The following NBEA variants were observed in gnomAD, a reference collection of about 807,000 sequenced individuals.
The protein encoded by NBEA is neurobeachin, also known as lysosomal-trafficking regulator 2.
In NBEA, 44 loss-of-function variants were observed where a neutral mutation model predicts 343.4. The observed-to-expected ratio is 0.13, with a 90% CI of 0.10 to 0.16. NBEA has a LOEUF of 0.16. NBEA is among the 10% of genes least tolerant of loss of function. The pLI, the probability that NBEA is intolerant of heterozygous loss-of-function variation, is 1.00. For synonymous variants in NBEA, 1,175 were observed against 1,238.7 expected (o/e 0.95, Z 1.08); for missense variants, 2,555 against 3,631.3 (o/e 0.70, Z 7.62).
At chr13:35,647,856 C>T (rs546306940) in intron 51 of NBEA, among the ~76,000 whole-genome samples, 140 of 152,142 alleles carry the variant, frequency 9.2e-4, no homozygotes, top group African/African-American at 2.9e-3. Context: ...TGAGTCACCA[C>T]GCCCGACCTA....
At chr13:35,008,518 T>C (rs900044405) in intron 1 of NBEA, among the ~76,000 whole-genome samples, 4 of 152,218 alleles carry the variant, frequency 2.6e-5, no homozygotes, top group African/African-American at 9.6e-5. Flanking sequence ...GACACTGTCA[T>C]CCATTTATTC....
Position 35,171,274 on chromosome 13 carries a change from G to A in NBEA, c.4245G>A (p.Thr1415=), listed in dbSNP as rs2070445880. The change falls in exon 26 of 59, where the codon ACG becomes ACA. Residue 1415 remains threonine, a splice_region_variant and synonymous_variant. Transcript: ENST00000379939. ...SAATSPTGSK[T]ELENIEVTQG... is the part of the protein sequence containing the mutation. ...TTAAATCTTCTACTTTTTTAAAGAC[G>A]GAATTGGAAAATATTGAAGTGACAC... 5 of 1,604,268 alleles carry A rather than the reference G, an allele frequency of 3.1e-6. No homozygotes were observed. Among genetic ancestry groups the A allele is most frequent in the African/African-American group, 1.3e-5 (1 of 74,454 alleles).
intron 1 of NBEA, among the ~76,000 whole-genome samples, chr13:34,999,269 A>G (rs2061041465): frequency 6.6e-6 from 1 of 152,170 alleles, no homozygotes; most frequent in African/African-American, 2.4e-5. Context: ...ATTTTGATAC[A>G]GGTGTACAGT....
At position 35,171,207 on chromosome 13, in the gene NBEA, T is replaced by C. The variant is rs2070438488; in HGVS notation, c.4243-65T>C. 2 of 1,155,720 alleles carry C rather than the reference T, an allele frequency of 1.7e-6. 1 individual carries two copies. Among genetic ancestry groups the C allele is most frequent in the South Asian group, 2.6e-5 (2 of 78,010 alleles). The allele number at this position is 1,155,720 out of a possible 1,614,324, so 71.6% of individuals were successfully genotyped here. The stretch of plus-strand genomic sequence containing the variant: ...TTTATGTTCACTTGTAGTATGTATG[T>C]ATATGTATTATATTTCCAAATTTCC... On this transcript the variant is annotated intron_variant, in intron 25 of 58. Coordinates refer to ENST00000379939, the MANE Select transcript of NBEA (RefSeq NM_001385012.1).
chr13:35,597,141 C>A (rs1319900310), intron 47 of NBEA, among the ~76,000 whole-genome samples: 1 of 152,120 alleles, frequency 6.6e-6, no homozygotes, highest in African/African-American at 2.4e-5. Context: ...TTCTCAGCAG[C>A]TTGAACTTGT....
chr13:35,353,653 G>A (rs992382502), intron 38 of NBEA, among the ~76,000 whole-genome samples: 1 of 152,004 alleles, frequency 6.6e-6, no homozygotes, highest in East Asian at 1.9e-4. Flanking sequence ...TATTTGTTGT[G>A]TGCGAGGGAC....
At chr13:35,608,070 A>G (rs2153052796) in intron 48 of NBEA, among the ~76,000 whole-genome samples, 1 of 151,884 alleles carries the variant, frequency 6.6e-6, no homozygotes, top group African/African-American at 2.4e-5. Flanking sequence ...TCTATTTTGG[A>G]GCTGTATGTT....
In NBEA at chr13:35,056,051, G is replaced by A. The variant is rs1055442980; in HGVS notation, c.1014G>A (p.Arg338=). Residue 338 remains arginine (R), a synonymous_variant, in exon 7 of 59, where the codon AGG becomes AGA. Transcript: ENST00000379939. The part of the protein sequence containing the change: ...ISIVHIYNRW[R]NSEIRCYVNG... ...TTGTCCACATTTACAATCGATGGAGGAACAGTGAAATTCGGTGTTATGTTA... is the reference window on the plus strand; with the variant it reads ...TTGTCCACATTTACAATCGATGGAGAAACAGTGAAATTCGGTGTTATGTTA... 14 of 1,605,648 alleles carry A rather than the reference G, an allele frequency of 8.7e-6. No homozygotes were observed. Among genetic ancestry groups the A allele is most frequent in the African/African-American group, 1.3e-5 (1 of 74,680 alleles).
intron 45 of NBEA, among the ~76,000 whole-genome samples, chr13:35,576,265 C>G (rs932396707): frequency 6.6e-6 from 1 of 151,110 alleles, no homozygotes; most frequent in African/African-American, 2.4e-5. Context: ...TACATGTGCC[C>G]ACCTCCATGC....
chr13:35,515,618 TG>T (rs1207822841), intron 41 of NBEA, among the ~76,000 whole-genome samples: 1 of 152,214 alleles, frequency 6.6e-6, no homozygotes, highest in African/African-American at 2.4e-5. Context: ...CGTTCTGTGA[TG>T]AAACATTTCA....
intron 38 of NBEA, among the ~76,000 whole-genome samples, chr13:35,369,683 G>A (rs1396682365): frequency 6.6e-6 from 1 of 151,842 alleles, no homozygotes; most frequent in Non-Finnish European, 1.5e-5. Context: ...AAACACTACT[G>A]ATTTTTTATG....
chr13:35,162,658 A>T (rs1005479017), intron 23 of NBEA, among the ~76,000 whole-genome samples: 3 of 151,002 alleles, frequency 2.0e-5, no homozygotes, highest in African/African-American at 7.3e-5. Flanking sequence ...TTTCCCCCTT[A>T]TATCTCGTGA....
chr13:35,407,287 T>C (rs948366111), intron 38 of NBEA, among the ~76,000 whole-genome samples: 1 of 151,992 alleles, frequency 6.6e-6, no homozygotes, highest in South Asian at 2.1e-4. Flanking sequence ...TCTGTGGTTA[T>C]CACATTGAAA....
At chr13:35,183,921 A>G (rs547499910) in intron 29 of NBEA, 55 bp from the exon 30 acceptor site, 2 of 1,273,956 alleles carry the variant, frequency 1.6e-6, no homozygotes, top group South Asian at 2.5e-5. Context: ...TCAGTGGACC[A>G]TGTGGCAGGT....
At chr13:35,605,953 C>T (rs2082266426) in intron 47 of NBEA, among the ~76,000 whole-genome samples, 1 of 152,042 alleles carries the variant, frequency 6.6e-6, no homozygotes, top group Non-Finnish European at 1.5e-5. Flanking sequence ...ATAAAAATCA[C>T]ATATTGTAAT....
intron 41 of NBEA, among the ~76,000 whole-genome samples, chr13:35,530,388 G>A (rs1292621296): frequency 6.6e-6 from 1 of 152,174 alleles, no homozygotes; most frequent in Non-Finnish European, 1.5e-5. Flanking sequence ...ACAGGATGGG[G>A]ACAGCCGCCC....
chr13:35,100,501 CAT>C (rs1391016161), intron 11 of NBEA, among the ~76,000 whole-genome samples: 1 of 151,934 alleles, frequency 6.6e-6, no homozygotes, highest in Non-Finnish European at 1.5e-5. Context: ...AATTTGATAA[CAT>C]ATGAAATGCC....
chr13:35,215,737 T>C (rs112680876), intron 33 of NBEA, among the ~76,000 whole-genome samples: 3,414 of 151,752 alleles, frequency 0.022, 54 homozygotes, highest in Non-Finnish European at 0.036. Flanking sequence ...TTTCTATGCA[T>C]GAGATAATGT....
intron 35 of NBEA, among the ~76,000 whole-genome samples, chr13:35,305,689 C>CA (rs777274197): frequency 5.3e-5 from 8 of 152,156 alleles, no homozygotes; most frequent in Admixed American, 2.6e-4. Context: ...GAGCAGAACA[C>CA]AGACAGTGGA....
Sources: allele counts gnomAD v4.1 joint callset (sites outside exome capture counted in the v4.1 genomes callset), GRCh38; gene constraint gnomAD v4.1.1; transcripts MANE v1.5; gene names NCBI Gene and HGNC (gene_info 2026-07-23, HGNC 2026-07-21).